Variants in KLF8 observed in about 807,000 individuals in gnomAD.
KLF8 encodes KLF transcription factor 8.
KLF8 carries 10 observed loss-of-function variants against 18.2 expected under a neutral mutation model. That is an observed-to-expected ratio of 0.55 (90% CI 0.34 to 0.93). The LOEUF (loss-of-function observed/expected upper bound fraction) is 0.93. Ranked by LOEUF, KLF8 falls within the 40% of genes least tolerant of loss-of-function variation. The pLI, the probability that KLF8 is intolerant of heterozygous loss-of-function variation, is 0.02. For missense variants in KLF8, 264 were observed against 277.9 expected, an observed-to-expected ratio of 0.95 and a Z score of 0.36; for synonymous variants, 109 against 97.3, an observed-to-expected ratio of 1.12 and a Z score of -0.71.
At chrX:56,234,787 C>T (rs753428390) in intron 1 of KLF8, among the ~76,000 whole-genome samples, 47 of 112,372 alleles carry the variant, frequency 4.2e-4, no homozygotes, top group African/African-American at 1.5e-3. Flanking sequence ...TGGGGAAGCC[C>T]TTGAGAGTTG....
chrX:56,007,301 G>A, the KLF8 span, among the ~76,000 whole-genome samples: 1 of 111,020 alleles, frequency 9.0e-6, no homozygotes, highest in Non-Finnish European at 1.9e-5. Context: ...TAGTCTGGTG[G>A]GAGTCGTACT....
the KLF8 span, among the ~76,000 whole-genome samples, chrX:56,165,774 C>A: frequency 9.1e-6 from 1 of 109,422 alleles, no homozygotes; most frequent in Non-Finnish European, 1.9e-5. Flanking sequence ...AGTGGAAGAA[C>A]TGCTTCAGCC....
At chrX:55,946,199 G>C in the KLF8 span, among the ~76,000 whole-genome samples, 2 of 110,828 alleles carry the variant, frequency 1.8e-5, no homozygotes, top group Non-Finnish European at 1.9e-5. Flanking sequence ...GCCAAAAGAA[G>C]AAAGCTGGAA....
chrX:56,083,662 G>T, the KLF8 span, among the ~76,000 whole-genome samples: 1 of 111,973 alleles, frequency 8.9e-6, no homozygotes, highest in Non-Finnish European at 1.9e-5. Context: ...GTACCAGTCA[G>T]TGGCCTGTTA....
At chrX:56,221,195 C>T in the KLF8 span, among the ~76,000 whole-genome samples, 1 of 111,782 alleles carries the variant, frequency 8.9e-6, no homozygotes, top group Admixed American at 9.4e-5. Context: ...CTGAAGTAAA[C>T]TTTAAATTAA....
chrX:56,055,213 A>G, the KLF8 span, among the ~76,000 whole-genome samples: 1 of 112,017 alleles, frequency 8.9e-6, no homozygotes, highest in African/African-American at 3.2e-5. Context: ...GTGGCTGGTA[A>G]TGGGCTTACT....
At chrX:55,959,168 C>T in the KLF8 span, among the ~76,000 whole-genome samples, 2 of 112,085 alleles carry the variant, frequency 1.8e-5, no homozygotes, top group African/African-American at 6.5e-5. Context: ...AGCCTTGGCT[C>T]CATGAAAGTA....
the KLF8 span, among the ~76,000 whole-genome samples, chrX:56,061,537 C>A: frequency 9.0e-6 from 1 of 111,559 alleles, no homozygotes; most frequent in Non-Finnish European, 1.9e-5. Flanking sequence ...GGCTGTTTGT[C>A]ATGATTTCCA....
chrX:55,908,632 G>A, the KLF8 span: 2 of 291,372 alleles, frequency 6.9e-6, no homozygotes, highest in Non-Finnish European at 1.2e-5. Flanking sequence ...AAAATAGACT[G>A]TACACCGGCC....
intron 2 of KLF8, among the ~76,000 whole-genome samples, chrX:56,258,638 A>C (rs544550373): frequency 8.9e-6 from 1 of 112,439 alleles, no homozygotes; most frequent in East Asian, 2.8e-4. Flanking sequence ...TTTTCTATGC[A>C]TTCTTTAGGT....
At chrX:56,164,050 G>C in the KLF8 span, among the ~76,000 whole-genome samples, 1 of 110,763 alleles carries the variant, frequency 9.0e-6, no homozygotes, top group Non-Finnish European at 1.9e-5. Context: ...TGTTCTTTTT[G>C]CTTAGAACTG....
At chrX:55,945,215 T>A in the KLF8 span, among the ~76,000 whole-genome samples, 1 of 111,294 alleles carries the variant, frequency 9.0e-6, no homozygotes, top group Admixed American at 9.6e-5. Context: ...AAAATTTCTG[T>A]TCTTTTACAT....
At chrX:56,195,391 G>A in the KLF8 span, among the ~76,000 whole-genome samples, 3,653 of 112,043 alleles carry the variant, frequency 0.033, 162 homozygotes, top group African/African-American at 0.11. Context: ...GACCGTAGAT[G>A]ACCTAATGGA....
chrX:56,265,523 G>T lies in KLF8; in HGVS notation c.425G>T (p.Gly142Val), dbSNP rs767419429. The change falls in exon 3 of 6, where the codon GGC (glycine) becomes GTC (valine). Residue 142 changes from glycine to valine, a missense_variant. By Grantham distance (109) the Gly-to-Val change is moderately radical. This residue lies in a region of KLF8 where 221 missense variants were observed against 193.6 expected (regional missense o/e 1.14). Transcript: ENST00000468660. Reference protein sequence around the residue: ...SANIPTVLTPGSVLTSSQSTG... With the variant: ...SANIPTVLTPVSVLTSSQSTG... Reference sequence around the variant, plus strand: ...AACATTCCTACTGTTCTGACCCCAGGCTCTGTCCTGACCTCCTCTCAGAGC... The same window carrying T: ...AACATTCCTACTGTTCTGACCCCAGTCTCTGTCCTGACCTCCTCTCAGAGC... 8.3e-7 allele frequency: 1 copy of T among 1,211,534 alleles called. No individual in the cohort carries two copies. Among genetic ancestry groups the T allele is most frequent in the South Asian group, 1.8e-5 (1 of 56,969 alleles).
At chrX:56,041,715 G>A in the KLF8 span, among the ~76,000 whole-genome samples, 3 of 108,800 alleles carry the variant, frequency 2.8e-5, no homozygotes, top group East Asian at 2.9e-4. Context: ...TTTTGAGATC[G>A]AGTCTCACTC....
At chrX:55,983,372 G>A in the KLF8 span, among the ~76,000 whole-genome samples, 25 of 111,249 alleles carry the variant, frequency 2.2e-4, no homozygotes, top group Admixed American at 2.1e-3. Context: ...TAACCATTTT[G>A]TTTCTAAGCT....
At chrX:56,264,454 T>A (rs1302763265) in intron 2 of KLF8, among the ~76,000 whole-genome samples, 2 of 110,715 alleles carry the variant, frequency 1.8e-5, no homozygotes, top group African/African-American at 6.5e-5. Flanking sequence ...AATAAATTTA[T>A]TTATTAGTTT....
the KLF8 span, among the ~76,000 whole-genome samples, chrX:56,201,305 G>A: frequency 8.9e-6 from 1 of 112,019 alleles, no homozygotes; most frequent in East Asian, 2.8e-4. Context: ...TCTGCCATTT[G>A]TGACAACATG....
At chrX:56,241,350 A>G (rs1408534080) in intron 1 of KLF8, among the ~76,000 whole-genome samples, 1 of 111,425 alleles carries the variant, frequency 9.0e-6, no homozygotes, top group Non-Finnish European at 1.9e-5. Flanking sequence ...ATTTTTTAGT[A>G]GAGATGGCAT....
Sources: allele counts gnomAD v4.1 joint callset (sites outside exome capture counted in the v4.1 genomes callset), GRCh38; gene constraint gnomAD v4.1.1; regional missense constraint gnomAD v4.1.1; transcripts MANE v1.5; gene names NCBI Gene and HGNC (gene_info 2026-07-23, HGNC 2026-07-21).